IFT81: variants seen among roughly 807,000 people sequenced by gnomAD.
The protein encoded by IFT81 is intraflagellar transport protein 81 homolog.
IFT81 carries 72 observed loss-of-function variants against 102.6 expected under a neutral mutation model. That is an observed-to-expected ratio of 0.70 (90% CI 0.58 to 0.85). IFT81 has a LOEUF of 0.85. Among genes scored for constraint, IFT81 ranks in the 40% least tolerant of loss-of-function variants. IFT81 has a pLI of 0.00. For synonymous variants in IFT81, 237 were observed against 242.7 expected (o/e 0.98, Z 0.22); for missense variants, 723 against 787.3 (o/e 0.92, Z 0.98).
At chr12:110,167,956 A>G in intron 11 of IFT81, 1 of 204,018 alleles carries the variant, frequency 4.9e-6, no homozygotes, top group Non-Finnish European at 1.0e-5. Flanking sequence ...GGCTCAAGTG[A>G]TCCTCCTACC....
intron 10 of IFT81, among the ~76,000 whole-genome samples, chr12:110,147,635 A>G (rs1000331510): frequency 1.3e-5 from 2 of 152,222 alleles, no homozygotes; most frequent in Admixed American, 1.3e-4. Flanking sequence ...AAGCTACATA[A>G]CAAAGCATTA....
chr12:110,132,518 G>T (rs1894230515), intron 4 of IFT81, 29 bp from the exon 5 acceptor site: 2 of 946,158 alleles, frequency 2.1e-6, no homozygotes, highest in African/African-American at 1.7e-5. Flanking sequence ...CTAGTTATTA[G>T]TTTATAATTT....
At chr12:110,181,662 G>T (rs1349352725) in intron 12 of IFT81, among the ~76,000 whole-genome samples, 1 of 152,126 alleles carries the variant, frequency 6.6e-6, no homozygotes, top group Non-Finnish European at 1.5e-5. Flanking sequence ...CCATATCCCT[G>T]TTGATTTTTT....
chr12:110,157,995 T>A (rs1895936698), intron 10 of IFT81, among the ~76,000 whole-genome samples: 1 of 152,218 alleles, frequency 6.6e-6, no homozygotes, highest in South Asian at 2.1e-4. Flanking sequence ...AAAGTCTTTA[T>A]CTAGTTGATC....
At position 110,192,686 on chromosome 12, in the gene IFT81, C is replaced by T; in HGVS notation, c.1537C>T (p.Gln513Ter). ...ALASVIKELR[Q>*]LRQKYQELTQ... ...TGCCTCAGTTATAAAAGAGCTACGA[C>T]AGTTGCGTCAAAAATATCAAGTAAG... Residue 513 changes from glutamine to a stop codon, truncating the protein, a stop_gained, in exon 14 of 19, where the codon CAG becomes TAG. Coordinates refer to ENST00000242591, the MANE Select transcript of IFT81 (RefSeq NM_014055.4). LOFTEE classifies it high-confidence loss of function. 1 of 1,575,422 alleles carries T rather than the reference C, an allele frequency of 6.3e-7. No homozygotes were observed. The highest frequency in any genetic ancestry group is 8.6e-7 in the Non-Finnish European group (1 of 1,157,366).
intron 12 of IFT81, among the ~76,000 whole-genome samples, chr12:110,184,383 G>T (rs894007495): frequency 6.6e-6 from 1 of 152,010 alleles, no homozygotes; most frequent in Non-Finnish European, 1.5e-5. Flanking sequence ...CAAATTAATG[G>T]ATTTGAGCCT....
chr12:110,184,505 C>T (rs545832139), intron 12 of IFT81, among the ~76,000 whole-genome samples: 1 of 152,280 alleles, frequency 6.6e-6, no homozygotes, highest in Non-Finnish European at 1.5e-5. Context: ...CCGTCTAGTG[C>T]ATCTTTGTAT....
In IFT81 at chr12:110,178,593, A is replaced by G. The variant is rs573596825; in HGVS notation, c.1189-1829A>G. Among the ~76,000 whole-genome samples the G allele has an allele frequency of 2.6e-3, 390 of 147,754 alleles. 2 individuals carry two copies. The highest frequency in any genetic ancestry group is 4.5e-3 in the Non-Finnish European group (300 of 67,114). ...CTATCCCCCAAAATTAGCTTTAAGA[A>G]GCACTGGACATTAAAAAGGCTAAGA... On this transcript the variant is annotated intron_variant, in intron 11 of 18. Transcript: ENST00000242591.
intron 18 of IFT81, among the ~76,000 whole-genome samples, chr12:110,211,030 ATT>A (rs961144640): frequency 7.7e-5 from 10 of 129,282 alleles, no homozygotes; most frequent in Admixed American, 7.6e-5. Flanking sequence ...TAATTTTTGT[ATT>A]TTTTTTTTTT....
In IFT81 at chr12:110,173,346, G is replaced by A. The variant is rs186091224; in HGVS notation, c.1189-7076G>A. ...CCCCGTCCGGGAGGGAGGTGGGGGG[G>A]TCAGCCCCCCGCCCGGCCAGCCGCC... On this transcript the variant is annotated intron_variant, in intron 11 of 18. Coordinates refer to ENST00000242591, the MANE Select transcript of IFT81 (RefSeq NM_014055.4). Among the ~76,000 whole-genome samples, 442 of 141,008 alleles carry A rather than the reference G, an allele frequency of 3.1e-3. 18 individuals are homozygous for A. In the East Asian group the frequency reaches 0.095, roughly 30 times the overall value. 92.5% of individuals were successfully genotyped at this position (141,008 alleles called of 152,430 possible).
chr12:110,176,218 C>T (rs1334351690), intron 11 of IFT81, among the ~76,000 whole-genome samples: 2 of 152,160 alleles, frequency 1.3e-5, no homozygotes, highest in Non-Finnish European at 2.9e-5. Context: ...TCACCAGCCT[C>T]CTGGTCCACA....
At chr12:110,168,696 A>G (rs535476842) in intron 11 of IFT81, 1 of 152,440 alleles carries the variant, frequency 6.6e-6, no homozygotes, top group Non-Finnish European at 1.5e-5. Flanking sequence ...AACTGAAACA[A>G]AAGACTAGAG....
chr12:110,155,302 A>G (rs937963249), intron 10 of IFT81, among the ~76,000 whole-genome samples: 1 of 151,886 alleles, frequency 6.6e-6, no homozygotes, highest in African/African-American at 2.4e-5. Context: ...TACTTGGATC[A>G]TGTGGTTTCT....
intron 18 of IFT81, among the ~76,000 whole-genome samples, chr12:110,212,494 C>T (rs1198980803): frequency 1.3e-5 from 2 of 149,664 alleles, no homozygotes; most frequent in East Asian, 4.0e-4. Context: ...GCCAAGGTCA[C>T]GCCACTGCAC....
intron 11 of IFT81, among the ~76,000 whole-genome samples, chr12:110,169,598 T>C (rs1439323146): frequency 6.6e-6 from 1 of 152,246 alleles, no homozygotes; most frequent in African/African-American, 2.4e-5. Context: ...AGTCTCACTC[T>C]GTCACTCAGG....
At chr12:110,202,146 G>A (rs541980713) in intron 14 of IFT81, among the ~76,000 whole-genome samples, 3 of 152,262 alleles carry the variant, frequency 2.0e-5, no homozygotes, top group Admixed American at 6.5e-5. Context: ...ACAAACACAT[G>A]AGTAATTTGT....
chr12:110,149,407 C>T (rs1444151023), intron 10 of IFT81, among the ~76,000 whole-genome samples: 1 of 152,144 alleles, frequency 6.6e-6, no homozygotes, highest in Non-Finnish European at 1.5e-5. Flanking sequence ...AGCGGAAGCC[C>T]CAGTGGGCAT....
chr12:110,133,216 C>A (rs1250677038), intron 5 of IFT81, among the ~76,000 whole-genome samples: 1 of 151,972 alleles, frequency 6.6e-6, no homozygotes, highest in East Asian at 1.9e-4. Flanking sequence ...AAGCTATCCT[C>A]CCACCTTGGC....
chr12:110,197,804 C>G (rs1351426649), intron 14 of IFT81, among the ~76,000 whole-genome samples: 1 of 152,086 alleles, frequency 6.6e-6, no homozygotes, highest in African/African-American at 2.4e-5. Context: ...CTTCCGCCTC[C>G]TGGGTTCAAG....
Sources: allele counts gnomAD v4.1 joint callset (sites outside exome capture counted in the v4.1 genomes callset), GRCh38; gene constraint gnomAD v4.1.1; transcripts MANE v1.5; gene names NCBI Gene and HGNC (gene_info 2026-07-23, HGNC 2026-07-21).